The following FNDC5 variants were observed in gnomAD, a reference collection of about 807,000 sequenced individuals.
FNDC5 encodes fibronectin type III domain containing 5.
Under a neutral mutation model 24.6 loss-of-function variants are expected in FNDC5, and 10 were observed. The observed-to-expected ratio is 0.41, with a 90% CI of 0.25 to 0.69. The LOEUF (loss-of-function observed/expected upper bound fraction) is 0.69, where lower values mean the gene tolerates loss of function less well. Ranked by LOEUF, FNDC5 falls within the 30% of genes least tolerant of loss-of-function variation. The pLI is 0.34. For synonymous variants in FNDC5, 90 were observed against 110.7 expected, an observed-to-expected ratio of 0.81 and a Z score of 1.18; for missense variants, 226 against 282.9, an observed-to-expected ratio of 0.80 and a Z score of 1.44.
chr1:32,864,245 C>G lies in FNDC5; in HGVS notation c.*49G>C, dbSNP rs1457905874. ...CAGAACCATGAGATCCTCTCACATT[C>G]TCTACTGTCTGTCTTCTTAGCTGCT... On this transcript the variant is annotated 3_prime_UTR_variant, in exon 6 of 6. Coordinates refer to ENST00000373471, the MANE Select transcript of FNDC5 (RefSeq NM_153756.3). 5.6e-6 allele frequency: 9 copies of G among 1,614,182 alleles called. No homozygotes were observed. Among genetic ancestry groups the G allele is most frequent in the African/African-American group, 1.3e-5 (1 of 75,060 alleles).
Position 32,864,646 on chromosome 1 carries a change from C to T in FNDC5, c.633+18G>A, listed in dbSNP as rs775703433. 2 of 1,613,646 alleles carry T rather than the reference C, an allele frequency of 1.2e-6. No homozygotes were observed. Among genetic ancestry groups the T allele is most frequent in the South Asian group, 2.2e-5 (2 of 91,052 alleles). Reference sequence around the variant, plus strand: ...TGAGGCACAGGGTGGCCCACCCAGGCCCAGGTCTTGCCCTCACCTTGCTGC... The same window carrying T: ...TGAGGCACAGGGTGGCCCACCCAGGTCCAGGTCTTGCCCTCACCTTGCTGC... On this transcript the variant is annotated intron_variant, in intron 5 of 5. Transcript: ENST00000373471.
At chr1:32,864,474 C>T in intron 5 of FNDC5, 175 bp from the exon 6 acceptor site, 2 of 1,477,690 alleles carry the variant, frequency 1.4e-6, no homozygotes, top group Non-Finnish European at 1.8e-6. Context: ...CACCACTGGC[C>T]CCTGGCACCC....
upstream of FNDC5, chr1:32,872,271 G>GAAGC (rs910986702): frequency 1.3e-5 from 2 of 152,408 alleles, no homozygotes; most frequent in African/African-American, 4.8e-5. Context: ...GGGTGAGATG[G>GAAGC]AAGCGAGCTT....
upstream of FNDC5, among the ~76,000 whole-genome samples, chr1:32,872,024 G>T (rs1361430423): frequency 1.3e-5 from 2 of 152,190 alleles, no homozygotes; most frequent in African/African-American, 4.8e-5. Context: ...AGAAGCCCTG[G>T]AAGGGCTAAT....
rs375545732 is a variant in FNDC5, at chr1:32,865,064, G to A, written c.500-267C>T. On this transcript the variant is annotated intron_variant, in intron 4 of 5. Coordinates refer to ENST00000373471, the MANE Select transcript of FNDC5 (RefSeq NM_153756.3). ...TAAACCTCTGACAGTGGCCAGGCAC[G>A]GTGGCTCACGCCTGTTAATTCCAGC... 8.5e-5 allele frequency among the ~76,000 whole-genome samples: 13 copies of A among 152,066 alleles called. No individual in the cohort carries two copies. The South Asian group carries it at 2.1e-3, about 24-fold the overall frequency.
Position 32,867,503 on chromosome 1 carries a change from G to A in FNDC5, c.499+250C>T, listed in dbSNP as rs726344. ...AGCCCCAAGAAGCTGAACCTCTTCTGAGGGAGGGCGAAGGCAAGTACTCAT... is the reference window on the plus strand; with the variant it reads ...AGCCCCAAGAAGCTGAACCTCTTCTAAGGGAGGGCGAAGGCAAGTACTCAT... On this transcript the variant is annotated intron_variant, in intron 4 of 5. Coordinates refer to ENST00000373471, the MANE Select transcript of FNDC5 (RefSeq NM_153756.3). Among the ~76,000 whole-genome samples the A allele has an allele frequency of 0.16, 23,999 of 152,208 alleles. 2,372 individuals are homozygous for A. The highest frequency in any genetic ancestry group is 0.27 in the African/African-American group (11,108 of 41,510).
At chr1:32,869,339 T>C (rs1046012298) in intron 1 of FNDC5, among the ~76,000 whole-genome samples, 2 of 152,102 alleles carry the variant, frequency 1.3e-5, no homozygotes, top group African/African-American at 4.8e-5. Flanking sequence ...GGGACATAGG[T>C]GGACAGAAAC....
upstream of FNDC5, among the ~76,000 whole-genome samples, chr1:32,871,421 G>T (rs182319939): frequency 1.1e-4 from 16 of 152,302 alleles, no homozygotes; most frequent in African/African-American, 3.8e-4. Context: ...TTGGGAAGAG[G>T]CTGCTCTGTC....
chr1:32,868,445 C>G lies in FNDC5; in HGVS notation c.211-57G>C. 1.9e-6 allele frequency: 3 copies of G among 1,559,036 alleles called. No individual in the cohort carries two copies. The highest frequency in any genetic ancestry group is 2.6e-6 in the Non-Finnish European group (3 of 1,146,192). ...ACTCGGTGACCAGCCCCGCTCCTGC[C>G]CACCTCCCAGTGGTGACAAAGCCTT... On this transcript the variant is annotated intron_variant, in intron 2 of 5. Coordinates refer to ENST00000373471, the MANE Select transcript of FNDC5 (RefSeq NM_153756.3). This position sits in a 1 kb window ranked among gnomAD's most constrained non-coding sequence, Gnocchi z 4.8.
At chr1:32,864,883 C>A in intron 4 of FNDC5, 86 bp from the exon 5 acceptor site, 1 of 1,558,688 alleles carries the variant, frequency 6.4e-7, no homozygotes, top group Non-Finnish European at 8.7e-7. Context: ...TGCCAATGGT[C>A]TCTCCAGATT....
chr1:32,872,244 C>T (rs1442088095), upstream of FNDC5: 1 of 152,360 alleles, frequency 6.6e-6, no homozygotes, highest in Non-Finnish European at 1.5e-5. Context: ...TGTGTTCCTC[C>T]TTGGTCACCT....
intron 4 of FNDC5, among the ~76,000 whole-genome samples, chr1:32,866,490 C>CT (rs1641073049): frequency 1.3e-5 from 2 of 152,172 alleles, no homozygotes; most frequent in South Asian, 4.1e-4. Flanking sequence ...ACTGAGCTTA[C>CT]TTTGTTTCTT....
chr1:32,867,523 A>G (rs1264851877), intron 4 of FNDC5, among the ~76,000 whole-genome samples: 1 of 151,912 alleles, frequency 6.6e-6, no homozygotes, highest in Admixed American at 6.5e-5. Context: ...GAAGGCAAGT[A>G]CTCATCTAAT....
chr1:32,871,304 G>A (rs547628438), upstream of FNDC5, among the ~76,000 whole-genome samples: 4 of 152,028 alleles, frequency 2.6e-5, no homozygotes, highest in South Asian at 6.2e-4. Flanking sequence ...CGGTAGACCC[G>A]AGGCCTTGCG....
At position 32,864,298 on chromosome 1, in the gene FNDC5, A is replaced by G. The variant is rs200027292; in HGVS notation, c.635T>C (p.Ile212Thr). 134 of 1,614,138 alleles carry G rather than the reference A, an allele frequency of 8.3e-5. No individual in the cohort carries two copies. The highest frequency in any genetic ancestry group is 1.8e-4 in the Admixed American group (11 of 60,020). ...GGGCAAGCACTGAAAAGGTTTTCAT[A>G]TCTGTTTTACAGAAGAGGAAATGAA... is the stretch of plus-strand genomic sequence containing the variant. Residue 212 changes from isoleucine to threonine, a missense_variant and splice_region_variant, in exon 6 of 6, where the codon ATA (isoleucine) becomes ACA (threonine). Coordinates refer to ENST00000373471, the MANE Select transcript of FNDC5 (RefSeq NM_153756.3).
In FNDC5 at chr1:32,863,946, T is replaced by G. The variant is rs1469647004; in HGVS notation, c.*348A>C. 3 of 1,278,232 alleles carry G rather than the reference T, an allele frequency of 2.3e-6. No homozygotes were observed. In the African/African-American group the frequency reaches 4.6e-5, roughly 20 times the overall value. The allele number at this position is 1,278,232 out of a possible 1,614,324, so 79.2% of individuals were successfully genotyped here. On this transcript the variant is annotated 3_prime_UTR_variant, in exon 6 of 6. Transcript: ENST00000373471. The stretch of plus-strand genomic sequence containing the variant: ...AGAGAAGCCCTGCCTGGATGTCTTG[T>G]CTTTTTGCCTTTTCAAACCCAGCCT...
At chr1:32,870,420 G>A (rs1438118018) in intron 1 of FNDC5, among the ~76,000 whole-genome samples, 1 of 152,060 alleles carries the variant, frequency 6.6e-6, no homozygotes, top group Non-Finnish European at 1.5e-5. Context: ...AGGGGACTGG[G>A]GACCACAAGA....
chr1:32,870,971 C>A (rs1641174707), upstream of FNDC5: 1 of 148,550 alleles, frequency 6.7e-6, no homozygotes, highest in Non-Finnish European at 1.5e-5. Flanking sequence ...GGGCGGGGCG[C>A]CCCCGCTGCG....
rs780022091 is a variant in FNDC5 at position 32,867,702 on chromosome 1, T to C, written c.499+51A>G. The C allele has an allele frequency of 1.3e-5, 21 of 1,569,482 alleles. 1 individual carries two copies. Among genetic ancestry groups the C allele is most frequent in the Admixed American group, 5.0e-5 (3 of 59,528 alleles). ...TGAGAGAAGGGGCTGGTCAGAGTCCTCCATTTCCCAGAATCTGAGGGAAGA... is the reference window on the plus strand; with the variant it reads ...TGAGAGAAGGGGCTGGTCAGAGTCCCCCATTTCCCAGAATCTGAGGGAAGA... On this transcript the variant is annotated intron_variant, in intron 4 of 5. Coordinates refer to ENST00000373471, the MANE Select transcript of FNDC5 (RefSeq NM_153756.3).
Sources: allele counts gnomAD v4.1 joint callset (sites outside exome capture counted in the v4.1 genomes callset), GRCh38; gene constraint gnomAD v4.1.1; non-coding constraint Gnocchi (gnomAD v3.1); transcripts MANE v1.5; gene names NCBI Gene and HGNC (gene_info 2026-07-23, HGNC 2026-07-21).